TMEM45A: variants seen among roughly 807,000 people sequenced by gnomAD.
The protein encoded by TMEM45A is DNA polymerase-transactivated protein 4.
TMEM45A carries 25 observed loss-of-function variants against 32.0 expected under a neutral mutation model. That is an observed-to-expected ratio of 0.78 (90% CI 0.57 to 1.09). TMEM45A has a LOEUF of 1.09. TMEM45A is among the 50% of genes least tolerant of loss of function. The pLI, the probability that TMEM45A is intolerant of heterozygous loss-of-function variation, is 0.00. For synonymous variants in TMEM45A, 122 were observed against 114.8 expected, an observed-to-expected ratio of 1.06 and a Z score of -0.40; for missense variants, 302 against 325.0, an observed-to-expected ratio of 0.93 and a Z score of 0.54.
intron 1 of TMEM45A, among the ~76,000 whole-genome samples, chr3:100,536,913 G>T (rs1203582357): frequency 1.3e-5 from 2 of 152,180 alleles, no homozygotes; most frequent in African/African-American, 4.8e-5. Flanking sequence ...GGCAGTAGGG[G>T]GAAGGAGGAA....
At chr3:100,541,523 C>CCTTTTTTTTTTTTTTTTTTTTTTTTTT in intron 1 of TMEM45A, among the ~76,000 whole-genome samples, 1 of 126,258 alleles carries the variant, frequency 7.9e-6, no homozygotes, top group Non-Finnish European at 1.6e-5. Flanking sequence ...TCTTTTCTTT[C>CCTTTTTTTTTTTTTTTTTTTTTTTTTT]CTTTTTTTTT....
At chr3:100,515,269 A>C (rs1708241910) in intron 1 of TMEM45A, among the ~76,000 whole-genome samples, 1 of 152,022 alleles carries the variant, frequency 6.6e-6, no homozygotes, top group Admixed American at 6.6e-5. Context: ...AAAATGTGGC[A>C]CATATACACC....
chr3:100,570,035 C>T (rs1267099017), intron 5 of TMEM45A, among the ~76,000 whole-genome samples: 1 of 152,178 alleles, frequency 6.6e-6, no homozygotes, highest in Non-Finnish European at 1.5e-5. Context: ...ATGAAGACTC[C>T]AGCACCTAAT....
chr3:100,517,405 T>A (rs1708281642), intron 1 of TMEM45A, among the ~76,000 whole-genome samples: 1 of 152,246 alleles, frequency 6.6e-6, no homozygotes, highest in African/African-American at 2.4e-5. Context: ...ATATTCCTAA[T>A]GAGGAACTTG....
chr3:100,555,497 G>A, intron 2 of TMEM45A, 96 bp downstream of exon 2: 1 of 1,270,504 alleles, frequency 7.9e-7, no homozygotes, highest in South Asian at 1.6e-5. Flanking sequence ...TATATCAATT[G>A]TTCTGATCTC....
intron 1 of TMEM45A, among the ~76,000 whole-genome samples, chr3:100,534,363 C>T (rs1166420513): frequency 6.6e-6 from 1 of 151,884 alleles, no homozygotes; most frequent in African/African-American, 2.4e-5. Flanking sequence ...TCAGGTAGGC[C>T]CAGTGGTTCT....
intron 4 of TMEM45A, among the ~76,000 whole-genome samples, chr3:100,559,798 G>GATAAA (rs995201926): frequency 2.6e-4 from 39 of 150,340 alleles, no homozygotes; most frequent in Non-Finnish European, 3.6e-4. Context: ...AGCAATGACA[G>GATAAA]ATAAAATAAA....
chr3:100,500,164 A>G (rs1707989778), intron 1 of TMEM45A, among the ~76,000 whole-genome samples: 1 of 152,206 alleles, frequency 6.6e-6, no homozygotes, highest in Admixed American at 6.5e-5. Context: ...ACCTTCTCCA[A>G]GAGTCCATTC....
Position 100,526,514 on chromosome 3 carries a change from G to A in TMEM45A, c.-3-28695G>A, listed in dbSNP as rs61218849. 9.9e-3 allele frequency among the ~76,000 whole-genome samples: 1,321 copies of A among 133,752 alleles called. 38 individuals are homozygous for A. The East Asian group carries it at 0.11, about 11-fold the overall frequency. The allele number at this position is 133,752 out of a possible 152,430, so 87.7% of individuals were successfully genotyped here. A position where few individuals can be genotyped will look rare whatever the true frequency, so the allele number is the denominator to read the frequency against. On this transcript the variant is annotated intron_variant, in intron 1 of 5. Transcript: ENST00000323523. Reference sequence around the variant, plus strand: ...TCCCAGCTCTGCCATTAAACTAGCTGTGGGAACCTTTTCAAGAAGTCATTT... The same window carrying A: ...TCCCAGCTCTGCCATTAAACTAGCTATGGGAACCTTTTCAAGAAGTCATTT...
At chr3:100,541,704 T>A (rs1246048200) in intron 1 of TMEM45A, among the ~76,000 whole-genome samples, 1 of 152,002 alleles carries the variant, frequency 6.6e-6, no homozygotes, top group Non-Finnish European at 1.5e-5. Context: ...TAACTTTTTA[T>A]ATTTTTAGTA....
At chr3:100,515,169 C>T (rs1389905738) in intron 1 of TMEM45A, among the ~76,000 whole-genome samples, 1 of 151,868 alleles carries the variant, frequency 6.6e-6, no homozygotes, top group African/African-American at 2.4e-5. Flanking sequence ...TATAAAGACA[C>T]ATGCACACGT....
At chr3:100,526,155 C>T (rs1157115826) in intron 1 of TMEM45A, among the ~76,000 whole-genome samples, 2 of 152,126 alleles carry the variant, frequency 1.3e-5, no homozygotes, top group East Asian at 1.9e-4. Flanking sequence ...CCATTTAGCC[C>T]GTGTAACTTC....
chr3:100,534,772 A>G (rs1421698778), intron 1 of TMEM45A, among the ~76,000 whole-genome samples: 1 of 152,220 alleles, frequency 6.6e-6, no homozygotes, highest in Non-Finnish European at 1.5e-5. Flanking sequence ...ACTGGATTCC[A>G]TTTCTGCACT....
At chr3:100,508,925 A>C (rs1172654789) in intron 1 of TMEM45A, among the ~76,000 whole-genome samples, 1 of 152,230 alleles carries the variant, frequency 6.6e-6, no homozygotes, top group Non-Finnish European at 1.5e-5. Flanking sequence ...TATTATGATT[A>C]AGACCTCAAA....
At chr3:100,574,867 T>A (rs1260269500) in intron 5 of TMEM45A, among the ~76,000 whole-genome samples, 1 of 152,222 alleles carries the variant, frequency 6.6e-6, no homozygotes, top group Non-Finnish European at 1.5e-5. Flanking sequence ...CTTTTCAATT[T>A]TACTGTCATA....
intron 1 of TMEM45A, among the ~76,000 whole-genome samples, chr3:100,539,750 C>T (rs2148965473): frequency 6.6e-6 from 1 of 152,212 alleles, no homozygotes; most frequent in South Asian, 2.1e-4. Context: ...TTGAATGATG[C>T]CCACCCAGGC....
chr3:100,519,734 AT>A, intron 1 of TMEM45A: 2 of 997,566 alleles, frequency 2.0e-6, no homozygotes, highest in Admixed American at 4.2e-5. Flanking sequence ...CAAGTAACTT[AT>A]TGTGGGTTGT....
At chr3:100,556,167 G>A (rs1007116499) in intron 2 of TMEM45A, among the ~76,000 whole-genome samples, 1 of 152,164 alleles carries the variant, frequency 6.6e-6, no homozygotes, top group Admixed American at 6.5e-5. Flanking sequence ...GTTTAGTAGA[G>A]ATGGGGTTCC....
chr3:100,522,960 T>C (rs1705462927), intron 1 of TMEM45A, among the ~76,000 whole-genome samples: 1 of 152,214 alleles, frequency 6.6e-6, no homozygotes, highest in Non-Finnish European at 1.5e-5. Context: ...CCACCACCTG[T>C]CCTTCTAGAA....
Sources: allele counts gnomAD v4.1 joint callset (sites outside exome capture counted in the v4.1 genomes callset), GRCh38; gene constraint gnomAD v4.1.1; transcripts MANE v1.5; gene names NCBI Gene and HGNC (gene_info 2026-07-23, HGNC 2026-07-21).